SLC43A2: variants seen among roughly 807,000 people sequenced by gnomAD.
The protein encoded by SLC43A2 is solute carrier family 43 member 2, also known as large neutral amino acids transporter small subunit 4.
Under a neutral mutation model 63.2 loss-of-function variants are expected in SLC43A2, and 38 were observed. That is an observed-to-expected ratio of 0.60 (90% CI 0.46 to 0.79). The LOEUF (loss-of-function observed/expected upper bound fraction) is 0.79, where lower values mean the gene tolerates loss of function less well. Among genes scored for constraint, SLC43A2 ranks in the 30% least tolerant of loss-of-function variants. SLC43A2 has a pLI of 0.00. For synonymous variants in SLC43A2, 322 were observed against 331.0 expected (o/e 0.97, Z 0.30); for missense variants, 644 against 756.2 (o/e 0.85, Z 1.74).
chr17:1,600,264 C>A (rs1428040569), intron 5 of SLC43A2, among the ~76,000 whole-genome samples: 2 of 144,110 alleles, frequency 1.4e-5, no homozygotes, highest in Non-Finnish European at 3.0e-5. Context: ...AATTCTCCTG[C>A]CTCAGCCTCC....
At chr17:1,604,291 T>G (rs1598473227) in intron 5 of SLC43A2, 1 of 153,632 alleles carries the variant, frequency 6.5e-6, no homozygotes, top group East Asian at 1.9e-4. Context: ...TGACTTCAGG[T>G]GATCCATCCG....
chr17:1,627,766 G>A lies in SLC43A2; in HGVS notation c.109C>T (p.Leu37Phe). Residue 37 changes from leucine to phenylalanine, a missense_variant, in exon 2 of 14, where the codon CTC becomes TTC. Around this residue, in one of 3 missense-constraint regions of SLC43A2, gnomAD observed 528 missense variants for 623.6 expected, o/e 0.85. Coordinates refer to ENST00000301335, the MANE Select transcript of SLC43A2 (RefSeq NM_152346.3). ...AAGCCCTCTGACTTGAGCATGATGA[G>A]CAGCGAGCCCCAGCCCAGGAGGACT... ...SAVLLGWGSL[L>F]IMLKSEGFYS... 1.3e-6 allele frequency: 2 copies of A among 1,596,960 alleles called. No individual in the cohort carries two copies. The highest frequency in any genetic ancestry group is 1.7e-6 in the Non-Finnish European group (2 of 1,172,256).
rs1043492231 is a variant in SLC43A2, at chr17:1,576,672, G to C, written c.1473C>G (p.Ile491Met). Reference sequence around the variant, plus strand: ...GCTGCAGAAGGGCGAAGAGCGCGCTGATCAGAGACTGCAGTCCCGTGAGGC... The same window carrying C: ...GCTGCAGAAGGGCGAAGAGCGCGCTCATCAGAGACTGCAGTCCCGTGAGGC... Reference protein sequence around the residue: ...FGSLTGLQSLISALFALLQQP... With the variant: ...FGSLTGLQSLMSALFALLQQP... Residue 491 changes from isoleucine (I) to methionine (M), a missense_variant, in exon 13 of 14, where the codon ATC becomes ATG. Around this residue, in one of 3 missense-constraint regions of SLC43A2, gnomAD observed 105 missense variants for 101.7 expected, o/e 1.03. Transcript: ENST00000301335. 1.2e-6 allele frequency: 2 copies of C among 1,611,122 alleles called. No homozygotes were observed. Among genetic ancestry groups the C allele is most frequent in the African/African-American group, 1.3e-5 (1 of 74,936 alleles).
rs1210731548 is a variant in SLC43A2, at chr17:1,583,616, G to C, written c.1218-280C>G. The C allele has an allele frequency of 8.2e-6, 3 of 367,662 alleles. No homozygotes were observed. Among genetic ancestry groups the C allele is most frequent in the African/African-American group, 6.1e-5 (3 of 49,024 alleles). The allele number at this position is 367,662 out of a possible 1,614,324, so 22.8% of individuals were successfully genotyped here. ...TCTGTGAAGGCTGAGCTAAGACGAC[G>C]GGGAGAGAAGTAGCAGCGTGTGCCT... is the stretch of plus-strand genomic sequence containing the variant. On this transcript the variant is annotated intron_variant, in intron 10 of 13. Coordinates refer to ENST00000301335, the MANE Select transcript of SLC43A2 (RefSeq NM_152346.3). This position sits in a 1 kb window ranked among gnomAD's most constrained non-coding sequence, Gnocchi z 5.5.
intron 5 of SLC43A2, among the ~76,000 whole-genome samples, chr17:1,596,562 T>C (rs1905291870): frequency 6.6e-6 from 1 of 151,880 alleles, no homozygotes; most frequent in Non-Finnish European, 1.5e-5. Context: ...CCCCTACATC[T>C]CAATAATAAA....
intron 11 of SLC43A2, among the ~76,000 whole-genome samples, chr17:1,581,972 A>C (rs540618128): frequency 6.6e-6 from 1 of 151,782 alleles, no homozygotes; most frequent in Non-Finnish European, 1.5e-5. Context: ...ACGCCCAGCT[A>C]ATTTTTGTAA....
At chr17:1,599,700 C>CA (rs930917232) in intron 5 of SLC43A2, among the ~76,000 whole-genome samples, 60 of 151,204 alleles carry the variant, frequency 4.0e-4, no homozygotes, top group African/African-American at 1.2e-3. Flanking sequence ...GACTCCGTCT[C>CA]AAAAAAACAA....
intron 5 of SLC43A2, among the ~76,000 whole-genome samples, chr17:1,608,507 C>T (rs887186866): frequency 2.6e-5 from 4 of 152,228 alleles, no homozygotes; most frequent in African/African-American, 9.6e-5. Flanking sequence ...AATTCTCCCA[C>T]CTCAGCCTCC....
rs149659660 is a variant in SLC43A2 at position 1,602,010 on chromosome 17, G to A, written c.502-8731C>T. Among the ~76,000 whole-genome samples the A allele has an allele frequency of 5.5e-5, 7 of 127,226 alleles. No individual in the cohort carries two copies. In the South Asian group the frequency reaches 7.9e-4, roughly 14 times the overall value. The allele number at this position is 127,226 out of a possible 152,430, so 83.5% of individuals were successfully genotyped here. On this transcript the variant is annotated intron_variant, in intron 5 of 13. Transcript: ENST00000301335. The stretch of plus-strand genomic sequence containing the variant: ...GTCCTGCACTGAGACTACCCCAGAC[G>A]TGTACCGCCCTCCCGAAGGTCCAAA...
intron 9 of SLC43A2, among the ~76,000 whole-genome samples, chr17:1,588,323 T>A (rs1904405342): frequency 6.6e-6 from 1 of 150,804 alleles, no homozygotes; most frequent in East Asian, 2.0e-4. Context: ...GAGGCGGAGG[T>A]TGCAGTGAGC....
At chr17:1,596,282 G>A (rs1598460241) in intron 5 of SLC43A2, among the ~76,000 whole-genome samples, 3 of 151,776 alleles carry the variant, frequency 2.0e-5, no homozygotes, top group Non-Finnish European at 4.4e-5. Flanking sequence ...TTGATCCACT[G>A]CACTCTAGCC....
chr17:1,625,109 C>A (rs1440669567), intron 2 of SLC43A2, among the ~76,000 whole-genome samples: 1 of 152,094 alleles, frequency 6.6e-6, no homozygotes, highest in African/African-American at 2.4e-5. Context: ...ACCAGGGGGA[C>A]GAGGGAGGCA....
chr17:1,576,961 T>C (rs1215872925), intron 12 of SLC43A2, among the ~76,000 whole-genome samples: 1 of 151,382 alleles, frequency 6.6e-6, no homozygotes, highest in Non-Finnish European at 1.5e-5. Context: ...GCCTCCCCAG[T>C]CCAAACAATT....
chr17:1,612,595 C>G (rs1907223167), intron 5 of SLC43A2, among the ~76,000 whole-genome samples: 2 of 152,248 alleles, frequency 1.3e-5, no homozygotes, highest in South Asian at 4.1e-4. Context: ...AAGTGGGCGG[C>G]AGCGTTTTGT....
In SLC43A2 at chr17:1,578,137, A is replaced by C; in HGVS notation, c.1424+113T>G. The C allele has an allele frequency of 9.9e-7, 1 of 1,011,652 alleles. No individual in the cohort carries two copies. The highest frequency in any genetic ancestry group is 1.4e-5 in the South Asian group (1 of 69,014). 62.7% of individuals were successfully genotyped at this position (1,011,652 alleles called of 1,614,324 possible). A position where few individuals can be genotyped will look rare whatever the true frequency, so the allele number is the denominator to read the frequency against. On this transcript the variant is annotated intron_variant, in intron 12 of 13. Transcript: ENST00000301335. The surrounding 1 kb of genome is among the most constrained non-coding windows in gnomAD (Gnocchi z 6.5). ...ACCTGTCCCCTGAAGCAGGAAGATG[A>C]GCCCTTCTGGGACAGGCTGACCCTG...
In SLC43A2 at chr17:1,588,335, G is replaced by A. The variant is rs190826053; in HGVS notation, c.1079-2284C>T. Among the ~76,000 whole-genome samples, 313 of 151,430 alleles carry A rather than the reference G, an allele frequency of 2.1e-3. 1 individual carries two copies. The highest frequency in any genetic ancestry group is 7.3e-3 in the African/African-American group (301 of 41,232). On this transcript the variant is annotated intron_variant, in intron 9 of 13. Transcript: ENST00000301335. ...CGAGAGGCGGAGGTTGCAGTGAGCCGAGCTCATGCCACTGTGCTCCAGCCC... is the reference window on the plus strand; with the variant it reads ...CGAGAGGCGGAGGTTGCAGTGAGCCAAGCTCATGCCACTGTGCTCCAGCCC...
chr17:1,614,899 C>G, intron 4 of SLC43A2, 80 bp downstream of exon 4: 1 of 1,444,778 alleles, frequency 6.9e-7, no homozygotes, highest in Non-Finnish European at 9.7e-7. Flanking sequence ...GGACAGTGTC[C>G]AAGAGCAGGT....
chr17:1,621,593 T>C (rs4790717), intron 2 of SLC43A2, among the ~76,000 whole-genome samples: 151,853 of 152,352 alleles, frequency 1, 75,687 homozygotes, highest in East Asian at 1. Context: ...GCCTGGCCCC[T>C]GAGCAGTGGT....
At chr17:1,599,410 C>A (rs1905678916) in intron 5 of SLC43A2, among the ~76,000 whole-genome samples, 1 of 151,888 alleles carries the variant, frequency 6.6e-6, no homozygotes, top group Non-Finnish European at 1.5e-5. Context: ...AGGTAAAAAT[C>A]ACCCTGAGGC....
Sources: gnomAD v4.1 joint callset for allele counts (sites outside exome capture counted in the v4.1 genomes callset) on GRCh38, gnomAD v4.1.1 for gene constraint, gnomAD v4.1.1 regional missense constraint, Gnocchi (gnomAD v3.1) non-coding constraint, MANE v1.5 for transcripts, NCBI Gene and HGNC (gene_info 2026-07-23, HGNC 2026-07-21) for gene names.